DCAF6: variants seen among roughly 807,000 people sequenced by gnomAD.
DCAF6 encodes DDB1- and CUL4-associated factor 6.
A neutral mutation model predicts 125.1 loss-of-function variants in DCAF6; 54 were observed. The ratio of observed to expected loss-of-function variants is 0.43; its 90% CI spans 0.35 to 0.54. The LOEUF (loss-of-function observed/expected upper bound fraction) is 0.54, where lower values mean the gene tolerates loss of function less well. Ranked by LOEUF, DCAF6 falls within the 20% of genes least tolerant of loss-of-function variation. DCAF6 has a pLI of 0.01. For synonymous variants in DCAF6, 371 were observed against 390.4 expected (o/e 0.95, Z 0.58); for missense variants, 934 against 1,161.7 (o/e 0.80, Z 2.85).
At chr1:167,950,588 G>A (rs1283573010) in intron 1 of DCAF6, among the ~76,000 whole-genome samples, 2 of 152,072 alleles carry the variant, frequency 1.3e-5, no homozygotes, top group Admixed American at 1.3e-4. Flanking sequence ...GGCTTCAAGA[G>A]GCTCTTGATT....
chr1:168,051,534 G>T (rs571738780), intron 17 of DCAF6, among the ~76,000 whole-genome samples: 7 of 152,256 alleles, frequency 4.6e-5, no homozygotes, highest in African/African-American at 1.7e-4. Context: ...CTGAAAACCT[G>T]TTTTGCTGAC....
chr1:168,040,483 G>A (rs1688381227), intron 13 of DCAF6, among the ~76,000 whole-genome samples: 1 of 150,426 alleles, frequency 6.6e-6, no homozygotes, highest in Non-Finnish European at 1.5e-5. Context: ...CAGTGGAGGT[G>A]GTTTAAAAAA....
Position 168,022,273 on chromosome 1 carries a change from A to C in DCAF6, c.1550-715A>C, listed in dbSNP as rs1021510135. On this transcript the variant is annotated intron_variant, in intron 11 of 21. Coordinates refer to ENST00000367840, the MANE Select transcript of DCAF6 (RefSeq NM_001198956.2). ...TTCTTACATAGAAACCCAGCATATT[A>C]AAAAGATAAGAACGAAGCTGTTCTA... 3.9e-5 allele frequency among the ~76,000 whole-genome samples: 6 copies of C among 152,342 alleles called. No individual in the cohort carries two copies. The South Asian group carries it at 1.2e-3, about 32-fold the overall frequency.
In DCAF6 at chr1:168,038,289, T is replaced by C. The variant is rs1315542572; in HGVS notation, c.1610-82T>C. 5.0e-6 allele frequency: 5 copies of C among 992,520 alleles called. No homozygotes were observed. In the African/African-American group the frequency reaches 8.3e-5, roughly 16 times the overall value. 61.5% of individuals were successfully genotyped at this position (992,520 alleles called of 1,614,324 possible). A position where few individuals can be genotyped will look rare whatever the true frequency, so the allele number is the denominator to read the frequency against. ...AAGAATTATGACAAGGACAACCTAA[T>C]ATAAGTTTTATAAATTTTAGGAAAT... On this transcript the variant is annotated intron_variant, in intron 12 of 21. Coordinates refer to ENST00000367840, the MANE Select transcript of DCAF6 (RefSeq NM_001198956.2).
chr1:167,929,094 C>T, the DCAF6 span, among the ~76,000 whole-genome samples: 2 of 152,212 alleles, frequency 1.3e-5, no homozygotes, highest in East Asian at 3.8e-4. Context: ...CGTGGTGGCT[C>T]ATGCCTGTAA....
At chr1:167,919,891 G>C in the DCAF6 span, 1 of 814,258 alleles carries the variant, frequency 1.2e-6, no homozygotes, top group South Asian at 1.7e-5. Context: ...CTGGGCAACA[G>C]AGCGAGACCC....
intron 12 of DCAF6, among the ~76,000 whole-genome samples, chr1:168,037,097 C>T (rs79443313): frequency 7.3e-6 from 1 of 137,492 alleles, no homozygotes; most frequent in African/African-American, 3.3e-5. Context: ...ATGAGATTCT[C>T]CCCCCCCTTT....
the DCAF6 span, among the ~76,000 whole-genome samples, chr1:167,929,562 T>C: frequency 2.5e-4 from 38 of 152,204 alleles, no homozygotes; most frequent in Admixed American, 2.0e-4. Context: ...AATTTTCAAA[T>C]AAACAAATTT....
In DCAF6 at chr1:168,031,658, A is replaced by G. The variant is rs1687105398; in HGVS notation, c.1610-6713A>G. 2.0e-5 allele frequency among the ~76,000 whole-genome samples: 3 copies of G among 152,244 alleles called. No individual in the cohort carries two copies. In the South Asian group the frequency reaches 6.2e-4, roughly 32 times the overall value. The stretch of plus-strand genomic sequence containing the variant: ...AAGTCACATTTTAACTTGTTAATTT[A>G]TCTACAAAATGAGAGTGTTATTTAT... On this transcript the variant is annotated intron_variant, in intron 12 of 21. Transcript: ENST00000367840.
At chr1:167,976,820 T>C (rs1411965522) in intron 4 of DCAF6, among the ~76,000 whole-genome samples, 1 of 151,270 alleles carries the variant, frequency 6.6e-6, no homozygotes, top group African/African-American at 2.4e-5. Flanking sequence ...TTGGTTTACC[T>C]TTCCTTCTTC....
intron 12 of DCAF6, among the ~76,000 whole-genome samples, chr1:168,037,104 CTT>C (rs60135464): frequency 1.8e-4 from 23 of 130,060 alleles, no homozygotes; most frequent in Non-Finnish European, 2.2e-4. Context: ...TCTCCCCCCC[CTT>C]TTTTTTTTTT....
chr1:167,931,232 G>T (rs1467715729), upstream of DCAF6, among the ~76,000 whole-genome samples: 1 of 152,082 alleles, frequency 6.6e-6, no homozygotes, highest in African/African-American at 2.4e-5. Flanking sequence ...GCGCCCAGCT[G>T]ATATTCCTTT....
chr1:168,043,204 G>A, intron 14 of DCAF6, 64 bp downstream of exon 14: 4 of 1,206,844 alleles, frequency 3.3e-6, no homozygotes, highest in Middle Eastern at 1.9e-4. Flanking sequence ...CTACTTTCCT[G>A]TTCCCTTCGA....
At chr1:168,017,703 T>C (rs181009500) in intron 11 of DCAF6, among the ~76,000 whole-genome samples, 1 of 152,264 alleles carries the variant, frequency 6.6e-6, no homozygotes, top group East Asian at 1.9e-4. Flanking sequence ...AATAATTAAA[T>C]GCAGTTTTGT....
intron 10 of DCAF6, among the ~76,000 whole-genome samples, chr1:168,012,621 C>T (rs770235328): frequency 1.8e-4 from 27 of 152,256 alleles, no homozygotes; most frequent in Non-Finnish European, 3.2e-4. Context: ...TTTCAAGCTG[C>T]TAGCAGAACT....
chr1:167,894,252 GAACA>G, the DCAF6 span, among the ~76,000 whole-genome samples: 1 of 152,168 alleles, frequency 6.6e-6, no homozygotes, highest in Non-Finnish European at 1.5e-5. Flanking sequence ...CAGGAGATGG[GAACA>G]AACAAATGAG....
At chr1:167,975,134 C>G (rs1035497105) in intron 4 of DCAF6, 119 bp downstream of exon 4, 12 of 517,872 alleles carry the variant, frequency 2.3e-5, no homozygotes, top group East Asian at 1.4e-4. Flanking sequence ...ACATTTGATG[C>G]ATATAAATTA....
At chr1:167,874,985 G>A in the DCAF6 span, 96 of 760,946 alleles carry the variant, frequency 1.3e-4, no homozygotes, top group African/African-American at 1.5e-3. Context: ...CTGGTGTATT[G>A]CTATTTTTCT....
chr1:167,944,522 T>C (rs368986637), intron 1 of DCAF6, among the ~76,000 whole-genome samples: 5 of 152,234 alleles, frequency 3.3e-5, no homozygotes, highest in South Asian at 2.1e-4. Flanking sequence ...TAAGGTGATA[T>C]CTCATTGTGA....
Sources: gnomAD v4.1 joint callset for allele counts (sites outside exome capture counted in the v4.1 genomes callset) on GRCh38, gnomAD v4.1.1 for gene constraint, MANE v1.5 for transcripts, NCBI Gene and HGNC (gene_info 2026-07-23, HGNC 2026-07-21) for gene names.